Variants in VAV2 observed in about 807,000 individuals in gnomAD.
VAV2 encodes the protein vav guanine nucleotide exchange factor 2.
Under a neutral mutation model 132.5 loss-of-function variants are expected in VAV2, and 67 were observed. The ratio of observed to expected loss-of-function variants is 0.51; its 90% CI spans 0.42 to 0.62. The LOEUF is 0.62. Among genes scored for constraint, VAV2 ranks in the 20% least tolerant of loss-of-function variants. The pLI is 0.00. For missense variants in VAV2, 938 were observed against 1,153.6 expected, an observed-to-expected ratio of 0.81 and a Z score of 2.71; for synonymous variants, 492 against 443.5, an observed-to-expected ratio of 1.11 and a Z score of -1.37.
rs559999492 is a variant in VAV2, at chr9:133,961,840, G to T, written c.205-22621C>A. ...AGTGGCCCCTCGTTCTGGTGGCCACGCAGGCCTAGGCTGGGAACAGGGAGA... is the reference window on the plus strand; with the variant it reads ...AGTGGCCCCTCGTTCTGGTGGCCACTCAGGCCTAGGCTGGGAACAGGGAGA... On this transcript the variant is annotated intron_variant, in intron 1 of 29. Transcript: ENST00000371850. The surrounding 1 kb of genome is among the most constrained non-coding windows in gnomAD (Gnocchi z 4.1). 6.6e-6 allele frequency among the ~76,000 whole-genome samples: 1 copy of T among 152,090 alleles called. No individual in the cohort carries two copies. Among genetic ancestry groups the T allele is most frequent in the Non-Finnish European group, 1.5e-5 (1 of 68,004 alleles).
At chr9:133,910,276 A>T (rs1032499717) in intron 2 of VAV2, among the ~76,000 whole-genome samples, 2 of 152,078 alleles carry the variant, frequency 1.3e-5, no homozygotes, top group Non-Finnish European at 2.9e-5. Flanking sequence ...CCTACCTGCA[A>T]CCCTCCAAGA....
chr9:133,924,800 G>A (rs772913443), intron 2 of VAV2, among the ~76,000 whole-genome samples: 6 of 152,216 alleles, frequency 3.9e-5, no homozygotes, highest in South Asian at 2.1e-4. Flanking sequence ...CACAGGAGCC[G>A]AAGGTGAAAA....
chr9:133,859,625 A>C (rs1019754878), intron 3 of VAV2, among the ~76,000 whole-genome samples: 1 of 152,040 alleles, frequency 6.6e-6, no homozygotes, highest in African/African-American at 2.4e-5. Context: ...ATATGTAAAA[A>C]AAACAAAACA....
intron 17 of VAV2, among the ~76,000 whole-genome samples, chr9:133,785,419 G>T (rs113096773): frequency 1.3e-5 from 2 of 152,216 alleles, no homozygotes; most frequent in African/African-American, 4.8e-5. Flanking sequence ...GAAGACTGGG[G>T]TCACCAGGAA....
At chr9:133,867,574 C>T (rs145294808) in intron 2 of VAV2, among the ~76,000 whole-genome samples, 13 of 152,326 alleles carry the variant, frequency 8.5e-5, no homozygotes, top group African/African-American at 2.9e-4. Context: ...GCAGGGCCAG[C>T]CACACCCTCC....
At chr9:133,982,256 G>A (rs1406641085) in intron 1 of VAV2, among the ~76,000 whole-genome samples, 2 of 146,908 alleles carry the variant, frequency 1.4e-5, no homozygotes, top group African/African-American at 5.3e-5. Context: ...GGGAGACTCG[G>A]CAGGGGCGAC....
chr9:133,846,041 A>C (rs1249904859), intron 3 of VAV2, among the ~76,000 whole-genome samples: 1 of 152,154 alleles, frequency 6.6e-6, no homozygotes, highest in African/African-American at 2.4e-5. Context: ...CTCTACATTC[A>C]CAGAGCAGGG....
At chr9:133,939,423 G>C in intron 1 of VAV2, 1 of 601,156 alleles carries the variant, frequency 1.7e-6, no homozygotes, top group Admixed American at 2.9e-5. Context: ...GCCAGGCCTG[G>C]ATGGAAGTGG....
chr9:133,780,550 G>T, intron 20 of VAV2, 144 bp downstream of exon 20: 1 of 1,000,002 alleles, frequency 1.0e-6, no homozygotes, highest in Non-Finnish European at 1.3e-6. Flanking sequence ...GAAAGCAGAG[G>T]CATCTTGTGA....
chr9:133,968,425 A>G (rs147118844), intron 1 of VAV2, among the ~76,000 whole-genome samples: 55 of 151,958 alleles, frequency 3.6e-4, no homozygotes, highest in East Asian at 1.2e-3. Flanking sequence ...TGTGGGGGGG[A>G]AAAACACCAC....
intron 2 of VAV2, among the ~76,000 whole-genome samples, chr9:133,896,085 G>T (rs767262304): frequency 6.7e-6 from 1 of 149,432 alleles, no homozygotes; most frequent in Non-Finnish European, 1.5e-5. Flanking sequence ...GCGGCCTTCC[G>T]CAGTGTTTGT....
intron 16 of VAV2, among the ~76,000 whole-genome samples, chr9:133,786,457 C>T (rs1834229477): frequency 6.6e-6 from 1 of 152,224 alleles, no homozygotes; most frequent in South Asian, 2.1e-4. Flanking sequence ...TGCGAGGATG[C>T]TCCACCGAGT....
chr9:133,847,000 GT>G (rs148061791), intron 3 of VAV2, among the ~76,000 whole-genome samples: 144 of 152,286 alleles, frequency 9.5e-4, no homozygotes, highest in African/African-American at 2.7e-3. Context: ...CCTGTGGGTG[GT>G]GCCAGCCGTG....
At chr9:133,906,524 C>T (rs1354634493) in intron 2 of VAV2, among the ~76,000 whole-genome samples, 3 of 152,206 alleles carry the variant, frequency 2.0e-5, no homozygotes, top group Non-Finnish European at 4.4e-5. Flanking sequence ...CCTGCAAGGA[C>T]GTGGGAGCCA....
intron 4 of VAV2, among the ~76,000 whole-genome samples, chr9:133,815,471 G>A (rs1430070288): frequency 2.0e-5 from 3 of 151,886 alleles, no homozygotes; most frequent in Admixed American, 6.6e-5. Flanking sequence ...TCTCCTTCCC[G>A]CCCCGAGCAA....
intron 4 of VAV2, among the ~76,000 whole-genome samples, chr9:133,829,629 T>A (rs1030027077): frequency 2.6e-5 from 4 of 152,174 alleles, no homozygotes; most frequent in African/African-American, 9.7e-5. Flanking sequence ...CTGGGTTAAC[T>A]ATAACATACA....
chr9:133,785,896 G>T lies in VAV2; in HGVS notation c.1423-11C>A, dbSNP rs747773506. On this transcript the variant is annotated splice_polypyrimidine_tract_variant and intron_variant, in intron 16 of 29. Transcript: ENST00000371850. ...GAAGCCGTAGGACCACTGCAGGGGG[G>T]AGAGGGGCCATGCTTGCAATAGACA... is the stretch of plus-strand genomic sequence containing the variant. 1.9e-6 allele frequency: 3 copies of T among 1,610,644 alleles called. No homozygotes were observed. The highest frequency in any genetic ancestry group is 1.7e-4 in the Middle Eastern group (1 of 6,020).
intron 1 of VAV2, among the ~76,000 whole-genome samples, chr9:133,963,264 C>T (rs1010788552): frequency 6.6e-6 from 1 of 152,096 alleles, no homozygotes; most frequent in Non-Finnish European, 1.5e-5. Context: ...GGGATCGGAG[C>T]CCTCAGCAGA....
At chr9:133,766,759 A>AATAAATATATATAT (rs1554767605) in intron 29 of VAV2, among the ~76,000 whole-genome samples, 38 of 112,106 alleles carry the variant, frequency 3.4e-4, no homozygotes, top group Admixed American at 4.5e-4. Context: ...AGTATAAATA[A>AATAAATATATATAT]ATATATATAT....
Sources: gnomAD v4.1 joint callset for allele counts (sites outside exome capture counted in the v4.1 genomes callset) on GRCh38, gnomAD v4.1.1 for gene constraint, Gnocchi (gnomAD v3.1) non-coding constraint, MANE v1.5 for transcripts, NCBI Gene and HGNC (gene_info 2026-07-23, HGNC 2026-07-21) for gene names.